DYNC1I1: variants seen among roughly 807,000 people sequenced by gnomAD.
DYNC1I1 encodes cytoplasmic dynein 1 intermediate chain 1.
DYNC1I1 carries 43 observed loss-of-function variants against 86.6 expected under a neutral mutation model. The ratio of observed to expected loss-of-function variants is 0.50; its 90% confidence interval spans 0.39 to 0.64. The LOEUF is 0.64. Among genes scored for constraint, DYNC1I1 ranks in the 30% least tolerant of loss-of-function variants. DYNC1I1 has a pLI of 0.00. For synonymous variants in DYNC1I1, 262 were observed against 283.7 expected (o/e 0.92, Z 0.77); for missense variants, 604 against 788.8 (o/e 0.77, Z 2.81).
At chr7:95,917,223 G>A (rs1301490580) in intron 6 of DYNC1I1, among the ~76,000 whole-genome samples, 1 of 152,132 alleles carries the variant, frequency 6.6e-6, no homozygotes, top group Non-Finnish European at 1.5e-5. Flanking sequence ...TTGTGGACTG[G>A]GGACGGGGTG....
At chr7:95,818,091 CAAT>C (rs1485851550) in intron 4 of DYNC1I1, among the ~76,000 whole-genome samples, 1 of 152,098 alleles carries the variant, frequency 6.6e-6, no homozygotes, top group Non-Finnish European at 1.5e-5. Context: ...TATCCTGTCA[CAAT>C]AATAACACCC....
At chr7:95,785,431 A>C (rs865809833) in intron 1 of DYNC1I1, among the ~76,000 whole-genome samples, 7 of 152,076 alleles carry the variant, frequency 4.6e-5, no homozygotes, top group African/African-American at 1.7e-4. Flanking sequence ...CAAACAAACA[A>C]GCAAAAACCA....
At chr7:95,886,594 G>A (rs1790599445) in intron 6 of DYNC1I1, among the ~76,000 whole-genome samples, 1 of 152,082 alleles carries the variant, frequency 6.6e-6, no homozygotes, top group Non-Finnish European at 1.5e-5. Flanking sequence ...ATGCCATTCT[G>A]CCTCAAACCA....
At chr7:96,056,758 G>A (rs188452503) in intron 14 of DYNC1I1, among the ~76,000 whole-genome samples, 325 of 151,704 alleles carry the variant, frequency 2.1e-3, no homozygotes, top group Middle Eastern at 0.017. Flanking sequence ...TATATAGTGT[G>A]TATATATATA....
chr7:96,055,313 ATGGGTTGG>A (rs1188755628), intron 14 of DYNC1I1, among the ~76,000 whole-genome samples: 1 of 152,136 alleles, frequency 6.6e-6, no homozygotes, highest in African/African-American at 2.4e-5. Context: ...AATGTAGATG[ATGGGTTGG>A]TGGGTGCAGC....
intron 1 of DYNC1I1, among the ~76,000 whole-genome samples, chr7:95,792,750 A>AT (rs1156648511): frequency 6.6e-6 from 1 of 152,148 alleles, no homozygotes; most frequent in African/African-American, 2.4e-5. Flanking sequence ...AGGAAAAGAT[A>AT]TTTTTCCTCC....
intron 6 of DYNC1I1, among the ~76,000 whole-genome samples, chr7:95,896,952 A>C (rs1302008011): frequency 6.6e-6 from 1 of 152,260 alleles, no homozygotes; most frequent in African/African-American, 2.4e-5. Flanking sequence ...CAGTGAAAAT[A>C]ACTTTTAAAT....
At chr7:95,874,661 GA>G (rs1201302769) in intron 6 of DYNC1I1, among the ~76,000 whole-genome samples, 11 of 151,998 alleles carry the variant, frequency 7.2e-5, no homozygotes, top group African/African-American at 2.7e-4. Flanking sequence ...GAGAGAGAGA[GA>G]GAGATCTTTC....
chr7:96,101,022 G>A (rs978445807), downstream of DYNC1I1, among the ~76,000 whole-genome samples: 2 of 152,156 alleles, frequency 1.3e-5, no homozygotes, highest in East Asian at 1.9e-4. Context: ...CTGATGGTAG[G>A]AGAGGCAGTC....
chr7:95,982,706 G>C (rs1044053906), intron 7 of DYNC1I1, among the ~76,000 whole-genome samples: 1 of 152,042 alleles, frequency 6.6e-6, no homozygotes, highest in Non-Finnish European at 1.5e-5. Context: ...AGTGACCAAG[G>C]CCAAGTGAGT....
At chr7:95,811,957 C>G (rs1584245320) in intron 3 of DYNC1I1, among the ~76,000 whole-genome samples, 2 of 152,134 alleles carry the variant, frequency 1.3e-5, no homozygotes, top group South Asian at 4.1e-4. Context: ...ACTTTAAGAA[C>G]AAAACAGATT....
intron 5 of DYNC1I1, among the ~76,000 whole-genome samples, chr7:95,843,848 A>G (rs1489988633): frequency 6.6e-6 from 1 of 152,222 alleles, no homozygotes; most frequent in Non-Finnish European, 1.5e-5. Flanking sequence ...AGGTGAATTG[A>G]AGATACTGAA....
intron 14 of DYNC1I1, among the ~76,000 whole-genome samples, chr7:96,045,783 G>A (rs1410387559): frequency 3.3e-5 from 5 of 152,088 alleles, no homozygotes; most frequent in African/African-American, 1.2e-4. Context: ...TGTGGGGCAG[G>A]GGAACTGTAG....
chr7:96,107,686 C>T (rs57938734), intron 16 of DYNC1I1, among the ~76,000 whole-genome samples: 26,443 of 151,660 alleles, frequency 0.17, 2,458 homozygotes, highest in Middle Eastern at 0.2. Flanking sequence ...TGCGTGCCAC[C>T]ACACTCGGCT....
chr7:96,049,126 C>T (rs537310346), intron 14 of DYNC1I1, among the ~76,000 whole-genome samples: 2 of 151,822 alleles, frequency 1.3e-5, no homozygotes, highest in African/African-American at 2.4e-5. Flanking sequence ...GGCATGGTGG[C>T]GGGTGCCTGT....
chr7:95,995,125 T>G (rs1793829170), intron 9 of DYNC1I1, among the ~76,000 whole-genome samples: 1 of 151,998 alleles, frequency 6.6e-6, no homozygotes, highest in South Asian at 2.1e-4. Context: ...CCGGCGCCTG[T>G]AGTCCCAGCT....
At chr7:96,041,762 A>G (rs899465836) in intron 14 of DYNC1I1, among the ~76,000 whole-genome samples, 2 of 152,168 alleles carry the variant, frequency 1.3e-5, no homozygotes, top group Admixed American at 1.3e-4. Context: ...TTATAATTAT[A>G]TAATTAGAAG....
At chr7:95,970,234 C>T (rs940520614) in intron 6 of DYNC1I1, among the ~76,000 whole-genome samples, 9 of 152,262 alleles carry the variant, frequency 5.9e-5, no homozygotes, top group Admixed American at 3.3e-4. Context: ...GCAACTGCGC[C>T]GACCAAAGTC....
rs753196929 is a variant in DYNC1I1 at position 95,813,353 on chromosome 7, T to G, written c.314+16T>G. On this transcript the variant is annotated intron_variant, in intron 4 of 16. Coordinates refer to ENST00000447467, the MANE Select transcript of DYNC1I1 (RefSeq NM_001135556.2). The stretch of plus-strand genomic sequence containing the variant: ...CATTAACAAGGTAAGAATTGTCCCT[T>G]TAAAAGGCCATGATGGGTGTCAATT... 2 of 1,600,948 alleles carry G rather than the reference T, an allele frequency of 1.2e-6. No individual in the cohort carries two copies. The highest frequency in any genetic ancestry group is 1.7e-6 in the Non-Finnish European group (2 of 1,176,136).
Sources: allele counts gnomAD v4.1 joint callset (sites outside exome capture counted in the v4.1 genomes callset), GRCh38; gene constraint gnomAD v4.1.1; transcripts MANE v1.5; gene names NCBI Gene and HGNC (gene_info 2026-07-23, HGNC 2026-07-21).